The following KHDRBS2 variants were observed in gnomAD, a reference collection of about 807,000 sequenced individuals.
KHDRBS2 encodes KH RNA binding domain containing, signal transduction associated 2.
Under a neutral mutation model 44.3 loss-of-function variants are expected in KHDRBS2, and 26 were observed. The ratio of observed to expected loss-of-function variants is 0.59; its 90% CI spans 0.43 to 0.81. The LOEUF is 0.81. KHDRBS2 is among the 40% of genes least tolerant of loss of function. The pLI, the probability that KHDRBS2 is intolerant of heterozygous loss-of-function variation, is 0.00. For missense variants in KHDRBS2, 476 were observed against 433.1 expected (o/e 1.10, Z -0.88); for synonymous variants, 194 against 151.1 (o/e 1.28, Z -2.08).
chr6:62,166,388 T>C (rs1204796868), intron 2 of KHDRBS2, among the ~76,000 whole-genome samples: 1 of 152,044 alleles, frequency 6.6e-6, no homozygotes, highest in East Asian at 1.9e-4. Context: ...GTGAAACCCA[T>C]ATATTTTTAA....
chr6:62,284,267 T>C (rs1323718434), intron 1 of KHDRBS2, among the ~76,000 whole-genome samples: 1 of 152,144 alleles, frequency 6.6e-6, no homozygotes, highest in Non-Finnish European at 1.5e-5. Flanking sequence ...TTGTCTCAAA[T>C]AGAACTCCAA....
At chr6:61,627,030 G>T in the KHDRBS2 span, among the ~76,000 whole-genome samples, 6 of 151,852 alleles carry the variant, frequency 4.0e-5, no homozygotes, top group Non-Finnish European at 8.8e-5. Context: ...GAGGCGGGAG[G>T]ATCACGAGGT....
Position 61,894,893 on chromosome 6 carries a change from C to G in KHDRBS2, c.612-60G>C, listed in dbSNP as rs1353703815. On this transcript the variant is annotated intron_variant, in intron 5 of 8. Transcript: ENST00000281156. ...GGTGATGAGAGAAAAGGGCCTATCA[C>G]AGAAAAAGTTTTCATCTCACAGCCT... 9 of 1,242,184 alleles carry G rather than the reference C, an allele frequency of 7.2e-6. No individual in the cohort carries two copies. The East Asian group carries it at 2.1e-4, about 29-fold the overall frequency. 76.9% of individuals were successfully genotyped at this position (1,242,184 alleles called of 1,614,324 possible).
chr6:62,108,062 A>T (rs1183034396), intron 2 of KHDRBS2, among the ~76,000 whole-genome samples: 20 of 152,212 alleles, frequency 1.3e-4, no homozygotes, highest in African/African-American at 4.8e-4. Context: ...AAACACCAAA[A>T]GCAATGGCAA....
In KHDRBS2 at chr6:61,901,352, C is replaced by A; in HGVS notation, c.503G>T (p.Arg168Leu). ...AGATAATTCACGTAGTTGTTCCTGA[C>A]GAATTTCATCATTGTAGTCCTGGAG... ...FLVPDYNDEI[R>L]QEQLRELSYL... Residue 168 changes from arginine (R) to leucine (L), a missense_variant, in exon 5 of 9, where the codon CGT becomes CTT. Coordinates refer to ENST00000281156, the MANE Select transcript of KHDRBS2 (RefSeq NM_152688.4). 6.2e-7 allele frequency: 1 copy of A among 1,611,126 alleles called. No homozygotes were observed. The highest frequency in any genetic ancestry group is 1.1e-5 in the South Asian group (1 of 90,946).
chr6:62,273,649 T>C (rs1397284852), intron 1 of KHDRBS2, among the ~76,000 whole-genome samples: 3 of 152,148 alleles, frequency 2.0e-5, no homozygotes, highest in South Asian at 2.1e-4. Context: ...GGGTGATCTC[T>C]TCTACTCCAA....
intron 2 of KHDRBS2, among the ~76,000 whole-genome samples, chr6:62,137,203 G>A (rs1027004016): frequency 1.3e-5 from 2 of 151,752 alleles, no homozygotes; most frequent in South Asian, 2.1e-4. Flanking sequence ...GGGTTTCACC[G>A]TGTTAGCCAG....
intron 3 of KHDRBS2, among the ~76,000 whole-genome samples, chr6:62,021,536 A>G (rs7749336): frequency 0.82 from 125,074 of 151,722 alleles, 51,952 homozygotes; most frequent in Admixed American, 0.88. Flanking sequence ...TTTTACATAT[A>G]TAAGTTCTTT....
chr6:62,132,123 T>C (rs1287684854), intron 2 of KHDRBS2, among the ~76,000 whole-genome samples: 1 of 152,188 alleles, frequency 6.6e-6, no homozygotes, highest in Non-Finnish European at 1.5e-5. Flanking sequence ...CAAATAACCT[T>C]GTAAGGAAGG....
chr6:62,242,689 G>A (rs1236736101), intron 1 of KHDRBS2, among the ~76,000 whole-genome samples: 1 of 151,920 alleles, frequency 6.6e-6, no homozygotes, highest in Non-Finnish European at 1.5e-5. Flanking sequence ...CCAAAATACA[G>A]TCTTCAGTAG....
chr6:62,073,250 C>G (rs1198463099), intron 2 of KHDRBS2, among the ~76,000 whole-genome samples: 1 of 151,600 alleles, frequency 6.6e-6, no homozygotes, highest in South Asian at 2.1e-4. Flanking sequence ...TGTCATAGTT[C>G]TATACAGATT....
chr6:62,046,438 G>C (rs1787709688), intron 3 of KHDRBS2, among the ~76,000 whole-genome samples: 1 of 151,940 alleles, frequency 6.6e-6, no homozygotes, highest in Admixed American at 6.6e-5. Context: ...TGATAAAAGA[G>C]TACTTAGCCT....
At chr6:61,894,948 T>C (rs1407925677) in intron 5 of KHDRBS2, 115 bp from the exon 6 acceptor site, 2 of 658,396 alleles carry the variant, frequency 3.0e-6, no homozygotes, top group Non-Finnish European at 5.3e-6. Flanking sequence ...CAAATTTCTC[T>C]CTCTCTCTCT....
intron 6 of KHDRBS2, among the ~76,000 whole-genome samples, chr6:61,775,414 C>T (rs1349231772): frequency 2.6e-5 from 4 of 152,086 alleles, no homozygotes; most frequent in African/African-American, 9.7e-5. Context: ...CCCAAAATCT[C>T]CTCAAGCTGA....
At chr6:62,224,725 G>A (rs1167599892) in intron 1 of KHDRBS2, among the ~76,000 whole-genome samples, 1 of 152,138 alleles carries the variant, frequency 6.6e-6, no homozygotes, top group African/African-American at 2.4e-5. Context: ...GTTTAAGAGT[G>A]GAAACATGGC....
chr6:62,283,497 C>T (rs1842077467), intron 1 of KHDRBS2, among the ~76,000 whole-genome samples: 1 of 152,106 alleles, frequency 6.6e-6, no homozygotes, highest in Non-Finnish European at 1.5e-5. Flanking sequence ...TCATCTGTAT[C>T]ATTTTTACTA....
chr6:61,884,510 T>G (rs1223818711), intron 6 of KHDRBS2, among the ~76,000 whole-genome samples: 1 of 152,056 alleles, frequency 6.6e-6, no homozygotes, highest in African/African-American at 2.4e-5. Context: ...ACCTGAAGTG[T>G]CTTTGTTTTT....
At position 62,073,599 on chromosome 6, in the gene KHDRBS2, C is replaced by T. The variant is rs370909143; in HGVS notation, c.220-25605G>A. On this transcript the variant is annotated intron_variant, in intron 2 of 8. Coordinates refer to ENST00000281156, the MANE Select transcript of KHDRBS2 (RefSeq NM_152688.4). ...AATGTTATTTCCTTCTGTTTGCTTG[C>T]TTTGGTTCTAGTTTATTTTTTCGAG... Among the ~76,000 whole-genome samples, 3 of 132,666 alleles carry T rather than the reference C, an allele frequency of 2.3e-5. No homozygotes were observed. In the East Asian group the frequency reaches 6.7e-4, roughly 29 times the overall value. The allele number at this position is 132,666 out of a possible 152,430, so 87.0% of individuals were successfully genotyped here.
At chr6:61,599,974 T>C in the KHDRBS2 span, among the ~76,000 whole-genome samples, 4 of 152,156 alleles carry the variant, frequency 2.6e-5, no homozygotes, top group Non-Finnish European at 5.9e-5. Context: ...AGACTATTTC[T>C]GGAAGGAAAA....
Sources: gnomAD v4.1 joint callset for allele counts (sites outside exome capture counted in the v4.1 genomes callset) on GRCh38, gnomAD v4.1.1 for gene constraint, MANE v1.5 for transcripts, NCBI Gene and HGNC (gene_info 2026-07-23, HGNC 2026-07-21) for gene names.